The following PCM1 variants were observed in gnomAD, a reference collection of about 807,000 sequenced individuals.
PCM1 encodes pericentriolar material 1 protein.
PCM1 carries 157 observed loss-of-function variants against 241.9 expected under a neutral mutation model. The observed-to-expected ratio is 0.65, with a 90% CI of 0.57 to 0.74. The LOEUF (loss-of-function observed/expected upper bound fraction) is 0.74. PCM1 is among the 30% of genes least tolerant of loss of function. The probability of loss-of-function intolerance (pLI) is 0.00; values close to 1 mark genes in which losing one functional copy is unlikely to be tolerated. For missense variants in PCM1, 3,478 were observed against 2,360.1 expected (o/e 1.47, Z -9.81); for synonymous variants, 1,085 against 784.9 (o/e 1.38, Z -6.39).
rs1383999044 is a variant in PCM1 at position 17,956,535 on chromosome 8, T to G, written c.1473-69T>G. On this transcript the variant is annotated intron_variant, in intron 10 of 38. Transcript: ENST00000325083. Reference sequence around the variant, plus strand: ...TTTGTTTCTGTTAGCTGCTATGATATGAAAATAATGTCTGTATTATTTTGC... The same window carrying G: ...TTTGTTTCTGTTAGCTGCTATGATAGGAAAATAATGTCTGTATTATTTTGC... 9.4e-6 allele frequency: 9 copies of G among 955,714 alleles called. No homozygotes were observed. In the South Asian group the frequency reaches 1.4e-4, roughly 15 times the overall value. 59.2% of individuals were successfully genotyped at this position (955,714 alleles called of 1,614,324 possible). A position where few individuals can be genotyped will look rare whatever the true frequency, so the allele number is the denominator to read the frequency against.
chr8:18,010,045 C>G (rs1329113007), intron 31 of PCM1, among the ~76,000 whole-genome samples: 3 of 152,182 alleles, frequency 2.0e-5, no homozygotes, highest in Non-Finnish European at 4.4e-5. Flanking sequence ...GGGATCTGAT[C>G]CTGGGCCAGT....
intron 15 of PCM1, 83 bp downstream of exon 15, chr8:17,960,527 G>GTTGTTCTT: frequency 2.4e-6 from 1 of 412,976 alleles, no homozygotes; most frequent in East Asian, 5.0e-5. Flanking sequence ...TTTTGTTTTT[G>GTTGTTCTT]TTTTTCTTTT....
At position 17,964,744 on chromosome 8, in the gene PCM1, A is replaced by G. The variant is rs750483084; in HGVS notation, c.2831A>G (p.Tyr944Cys). 3.7e-6 allele frequency: 6 copies of G among 1,613,482 alleles called. No homozygotes were observed. The South Asian group carries it at 6.6e-5, about 18-fold the overall frequency. ...CPSNSVNHNSYNGKETKNRWK... is the reference protein window; with the variant it reads ...CPSNSVNHNSCNGKETKNRWK... The stretch of plus-strand genomic sequence containing the variant: ...TCTAACAGTGTGAATCATAACTCCT[A>G]CAATGGAAAGGAAACTAAAAATAGG... Residue 944 changes from tyrosine (Y) to cysteine (C), a missense_variant, in exon 18 of 39, where the codon TAC becomes TGC. Tyr to Cys is a radical substitution (Grantham distance 194). Transcript: ENST00000325083.
intron 13 of PCM1, among the ~76,000 whole-genome samples, chr8:17,959,799 A>T (rs2070783577): frequency 3.3e-5 from 5 of 152,178 alleles, no homozygotes; most frequent in Admixed American, 3.3e-4. Context: ...TCCCAATTAT[A>T]AGAAGAGTTA....
In PCM1 at chr8:17,966,185, C is replaced by T; in HGVS notation, c.3042C>T (p.Val1014=). Residue 1014 remains valine (V), a synonymous_variant, in exon 19 of 39, where the codon GTC becomes GTT. Transcript: ENST00000325083. ...NQLKKQLDFS[V]SICQTLMQDQ... is the part of the protein sequence containing the mutation. The stretch of plus-strand genomic sequence containing the variant: ...TAAAGAAACAGCTTGATTTTAGTGT[C>T]AGTATTTGTCAGACTTTGATGCAAG... The T allele has an allele frequency of 2.5e-6, 4 of 1,613,758 alleles. No individual in the cohort carries two copies. Among genetic ancestry groups the T allele is most frequent in the Non-Finnish European group, 3.4e-6 (4 of 1,179,750 alleles).
chr8:17,941,633 A>C (rs564153403), intron 6 of PCM1, among the ~76,000 whole-genome samples: 1 of 152,214 alleles, frequency 6.6e-6, no homozygotes, highest in African/African-American at 2.4e-5. Context: ...AATATGCTAC[A>C]CTATTTAATA....
Position 18,028,727 on chromosome 8 carries a change from G to T in PCM1, c.*1065G>T. On this transcript the variant is annotated 3_prime_UTR_variant, in exon 39 of 39. Coordinates refer to ENST00000325083, the MANE Select transcript of PCM1 (RefSeq NM_006197.4). Reference sequence around the variant, plus strand: ...AGGCTTCAAAAAACCAGTCAACAATGAGTAAGTCAATCTTATAGATTCTTC... The same window carrying T: ...AGGCTTCAAAAAACCAGTCAACAATTAGTAAGTCAATCTTATAGATTCTTC... The T allele has an allele frequency of 5.0e-6, 1 of 199,758 alleles. No homozygotes were observed. Among genetic ancestry groups the T allele is most frequent in the Non-Finnish European group, 1.0e-5 (1 of 96,598 alleles). 12.4% of individuals were successfully genotyped at this position (199,758 alleles called of 1,614,324 possible).
At position 17,985,531 on chromosome 8, in the gene PCM1, C is replaced by T. The variant is rs748563260; in HGVS notation, c.4193C>T (p.Ser1398Phe). 9.0e-5 allele frequency: 143 copies of T among 1,589,998 alleles called. No homozygotes were observed. The highest frequency in any genetic ancestry group is 1.1e-4 in the Non-Finnish European group (129 of 1,165,660). ...EVATLISQNE[S>F]RPHFLIELFH... ...GCTACATTAATTTCTCAAAATGAAT[C>T]TCGTCCACATTTTCTTATTGAACTC... Residue 1398 changes from serine to phenylalanine, a missense_variant, in exon 25 of 39, where the codon TCT becomes TTT. Ser to Phe is a radical substitution (Grantham distance 155). Transcript: ENST00000325083.
At chr8:17,928,872 C>T (rs1288553753) in intron 2 of PCM1, among the ~76,000 whole-genome samples, 1 of 151,908 alleles carries the variant, frequency 6.6e-6, no homozygotes, top group African/African-American at 2.4e-5. Flanking sequence ...CCTTAGATGA[C>T]TCACCCACCT....
intron 29 of PCM1, chr8:18,006,012 A>T (rs961607323): frequency 2.4e-5 from 9 of 376,882 alleles, no homozygotes; most frequent in African/African-American, 1.9e-4. Flanking sequence ...GCTGAAAAGT[A>T]CTGGATCAGC....
In PCM1 at chr8:18,025,291, T is replaced by TC; in HGVS notation, c.5842-69dup. ...GTGATAGAATTACTGAGAAAATAAT[T>TC]CACTATTTCTTTACATGGATGACTG... On this transcript the variant is annotated intron_variant, in intron 36 of 38. Coordinates refer to ENST00000325083, the MANE Select transcript of PCM1 (RefSeq NM_006197.4). 7.4e-6 allele frequency: 6 copies of TC among 816,228 alleles called. No individual in the cohort carries two copies. In the South Asian group the frequency reaches 9.2e-5, roughly 13 times the overall value. 50.6% of individuals were successfully genotyped at this position (816,228 alleles called of 1,614,324 possible).
At position 17,939,746 on chromosome 8, in the gene PCM1, G is replaced by A. The variant is rs1044676393; in HGVS notation, c.668G>A (p.Arg223Gln). The A allele has an allele frequency of 6.4e-6, 10 of 1,559,200 alleles. No homozygotes were observed. In the African/African-American group the frequency reaches 6.8e-5, roughly 11 times the overall value. Reference sequence around the variant, plus strand: ...TATATTACTAAAGCTAGTTCCATGCGGGAAGATCTTGTAGAGAAAAATGAG... The same window carrying A: ...TATATTACTAAAGCTAGTTCCATGCAGGAAGATCTTGTAGAGAAAAATGAG... ...RDYITKASSMREDLVEKNERS... is the reference protein window; with the variant it reads ...RDYITKASSMQEDLVEKNERS... The change falls in exon 6 of 39, where the codon CGG becomes CAG. Residue 223 changes from arginine to glutamine, a missense_variant. Transcript: ENST00000325083.
chr8:18,018,227 C>T (rs1247709016), intron 36 of PCM1, among the ~76,000 whole-genome samples: 2 of 152,192 alleles, frequency 1.3e-5, no homozygotes, highest in Non-Finnish European at 2.9e-5. Context: ...AATTTTAGAG[C>T]TTCCTGACCC....
intron 6 of PCM1, among the ~76,000 whole-genome samples, chr8:17,944,881 A>G (rs2063287707): frequency 6.6e-6 from 1 of 152,148 alleles, no homozygotes; most frequent in African/African-American, 2.4e-5. Flanking sequence ...TCTGAAGATA[A>G]TTGTGTTTAA....
intron 26 of PCM1, chr8:17,986,309 A>T: frequency 3.2e-6 from 1 of 311,936 alleles, no homozygotes; most frequent in Non-Finnish European, 5.8e-6. Flanking sequence ...ATAGATTATG[A>T]GGTCTGAGAT....
chr8:17,982,069 C>T (rs1199071839), intron 24 of PCM1, among the ~76,000 whole-genome samples: 3 of 152,096 alleles, frequency 2.0e-5, no homozygotes, highest in African/African-American at 4.8e-5. Flanking sequence ...ATTTTGTAAT[C>T]AGAAAAGAAA....
chr8:17,971,555 G>A (rs564324112), intron 22 of PCM1, among the ~76,000 whole-genome samples: 4 of 152,222 alleles, frequency 2.6e-5, no homozygotes, highest in South Asian at 4.1e-4. Context: ...ATAGAACTAC[G>A]GACTTAAGGA....
rs1192916396 is a variant in PCM1 at position 17,937,297 on chromosome 8, G to C, written c.260G>C (p.Arg87Thr). 8 of 1,609,802 alleles carry C rather than the reference G, an allele frequency of 5.0e-6. No individual in the cohort carries two copies. Among genetic ancestry groups the C allele is most frequent in the Non-Finnish European group, 6.8e-6 (8 of 1,177,002 alleles). ...TKTPHTFPHS[R>T]YMSQMSVPEQ... ...ACTCCACATACGTTCCCACACAGTA[G>C]ATACATGAGTCAGATGTCTGTCCCA... Residue 87 changes from arginine (R) to threonine (T), a missense_variant, in exon 4 of 39, where the codon AGA becomes ACA. Arg to Thr is a moderately conservative substitution (Grantham distance 71, BLOSUM62 -1). Coordinates refer to ENST00000325083, the MANE Select transcript of PCM1 (RefSeq NM_006197.4).
intron 2 of PCM1, among the ~76,000 whole-genome samples, chr8:17,933,127 ATTG>A (rs1297793955): frequency 3.3e-5 from 5 of 152,326 alleles, no homozygotes; most frequent in Non-Finnish European, 5.9e-5. Flanking sequence ...ACATCATAGA[ATTG>A]TTGTGAGGCT....
Sources: allele counts gnomAD v4.1 joint callset (sites outside exome capture counted in the v4.1 genomes callset), GRCh38; gene constraint gnomAD v4.1.1; transcripts MANE v1.5; gene names NCBI Gene and HGNC (gene_info 2026-07-23, HGNC 2026-07-21).